The following CTNNA3 variants were observed in gnomAD, a reference collection of about 807,000 sequenced individuals.
The protein encoded by CTNNA3 is catenin alpha-3.
Under a neutral mutation model 95.7 loss-of-function variants are expected in CTNNA3, and 76 were observed. The observed-to-expected ratio is 0.79, with a 90% CI of 0.66 to 0.96. CTNNA3 has a LOEUF of 0.96. Among genes scored for constraint, CTNNA3 ranks in the 40% least tolerant of loss-of-function variants. The pLI is 0.00. For synonymous variants in CTNNA3, 431 were observed against 374.4 expected (o/e 1.15, Z -1.74); for missense variants, 1,191 against 1,089.8 (o/e 1.09, Z -1.31).
chr10:66,371,822 A>G (rs1338647013), intron 12 of CTNNA3, among the ~76,000 whole-genome samples: 1 of 152,130 alleles, frequency 6.6e-6, no homozygotes, highest in African/African-American at 2.4e-5. Flanking sequence ...CTGACAGCCA[A>G]GGTGTGGGCA....
At chr10:67,648,833 A>C (rs1839796502) in intron 1 of CTNNA3, 5 of 1,263,512 alleles carry the variant, frequency 4.0e-6, no homozygotes, top group Non-Finnish European at 4.1e-6. Context: ...TGTAAGAGAC[A>C]CGCTTCAAGA....
chr10:66,380,737 C>T (rs531479803), intron 11 of CTNNA3, among the ~76,000 whole-genome samples: 23 of 150,648 alleles, frequency 1.5e-4, no homozygotes, highest in African/African-American at 3.7e-4. Flanking sequence ...TGATATGTTC[C>T]GGAATTACTG....
intron 13 of CTNNA3, among the ~76,000 whole-genome samples, chr10:66,125,677 A>G (rs2082789946): frequency 6.6e-6 from 1 of 152,218 alleles, no homozygotes; most frequent in African/African-American, 2.4e-5. Context: ...ATATAAAGAA[A>G]TGAACTATCA....
intron 13 of CTNNA3, among the ~76,000 whole-genome samples, chr10:66,127,144 C>T (rs983706500): frequency 1.2e-4 from 18 of 151,786 alleles, no homozygotes; most frequent in Admixed American, 3.3e-4. Context: ...TGGTGGCGGG[C>T]GCCTGTAGTC....
chr10:67,747,320 C>G (rs1300361022), intron 1 of CTNNA3, among the ~76,000 whole-genome samples: 1 of 152,204 alleles, frequency 6.6e-6, no homozygotes, highest in African/African-American at 2.4e-5. Context: ...CCCATGCCCC[C>G]CAACAGGGGT....
chr10:66,260,307 A>C (rs2090951809), intron 13 of CTNNA3, among the ~76,000 whole-genome samples: 1 of 152,084 alleles, frequency 6.6e-6, no homozygotes, highest in African/African-American at 2.4e-5. Flanking sequence ...CTGCCCTCCA[A>C]TCCATTCATT....
At chr10:66,574,596 A>G (rs1361207345) in intron 10 of CTNNA3, among the ~76,000 whole-genome samples, 2 of 152,146 alleles carry the variant, frequency 1.3e-5, no homozygotes, top group Non-Finnish European at 2.9e-5. Context: ...AAGAAAACAT[A>G]TTGAAAAGGG....
At chr10:67,126,145 G>A (rs1387718313) in intron 7 of CTNNA3, among the ~76,000 whole-genome samples, 1 of 152,196 alleles carries the variant, frequency 6.6e-6, no homozygotes. Context: ...TATCTTTCAT[G>A]AGAGGTTTCA....
At chr10:66,838,801 G>A (rs1422018964) in intron 7 of CTNNA3, among the ~76,000 whole-genome samples, 1 of 152,150 alleles carries the variant, frequency 6.6e-6, no homozygotes, top group African/African-American at 2.4e-5. Context: ...AATAAACACT[G>A]AGCAAAATGC....
Position 66,616,640 on chromosome 10 carries a change from C to T in CTNNA3, c.1374+5052G>A, listed in dbSNP as rs182926535. On this transcript the variant is annotated intron_variant, in intron 10 of 17. Transcript: ENST00000433211. ...CTGGGCAAAGCTTTACAGTGTGGTC[C>T]TTTGTACACAGTAAGAACCAGAACA... Among the ~76,000 whole-genome samples, 276 of 152,128 alleles carry T rather than the reference C, an allele frequency of 1.8e-3. 2 individuals carry two copies. Among genetic ancestry groups the T allele is most frequent in the African/African-American group, 6.0e-3 (251 of 41,554 alleles).
chr10:67,416,345 C>T (rs746370494), intron 5 of CTNNA3, among the ~76,000 whole-genome samples: 3 of 62,680 alleles, frequency 4.8e-5, no homozygotes, highest in Admixed American at 2.1e-4. Flanking sequence ...TGGTGGCTCA[C>T]GCCTGTAATC....
chr10:66,573,811 A>AT (rs1265578862), intron 10 of CTNNA3, among the ~76,000 whole-genome samples: 14 of 152,234 alleles, frequency 9.2e-5, no homozygotes, highest in Non-Finnish European at 2.1e-4. Flanking sequence ...GGACAACACT[A>AT]TTATTTTCTA....
chr10:67,717,143 C>T (rs193273845), intron 1 of CTNNA3, among the ~76,000 whole-genome samples: 63 of 152,142 alleles, frequency 4.1e-4, no homozygotes, highest in Admixed American at 9.2e-4. Flanking sequence ...CTGTTCATAT[C>T]CTTTGCCCAC....
At chr10:67,030,059 C>A (rs1853624488) in intron 7 of CTNNA3, among the ~76,000 whole-genome samples, 1 of 152,170 alleles carries the variant, frequency 6.6e-6, no homozygotes, top group South Asian at 2.1e-4. Flanking sequence ...TTCTAAAAAA[C>A]AATCTTGTAA....
intron 13 of CTNNA3, among the ~76,000 whole-genome samples, chr10:66,116,359 T>A (rs1173473683): frequency 6.6e-6 from 1 of 152,148 alleles, no homozygotes; most frequent in South Asian, 2.1e-4. Flanking sequence ...CACCATAGAA[T>A]CTAGTCATTC....
intron 7 of CTNNA3, among the ~76,000 whole-genome samples, chr10:66,964,477 T>C (rs986195244): frequency 3.9e-5 from 6 of 152,176 alleles, no homozygotes; most frequent in Non-Finnish European, 7.3e-5. Context: ...ATGATAACAA[T>C]TGTAAATATT....
intron 7 of CTNNA3, among the ~76,000 whole-genome samples, chr10:66,981,374 A>T (rs1054349516): frequency 6.6e-6 from 1 of 152,230 alleles, no homozygotes; most frequent in African/African-American, 2.4e-5. Flanking sequence ...TCACTCAGGC[A>T]TAAGTCACCC....
chr10:66,745,321 C>T (rs768318720), intron 9 of CTNNA3, among the ~76,000 whole-genome samples: 2 of 152,058 alleles, frequency 1.3e-5, no homozygotes, highest in African/African-American at 2.4e-5. Flanking sequence ...TGTGATTGGC[C>T]AAGGTCAAAC....
At chr10:65,957,184 C>T (rs954283599) in intron 17 of CTNNA3, among the ~76,000 whole-genome samples, 2 of 152,132 alleles carry the variant, frequency 1.3e-5, no homozygotes, top group Admixed American at 1.3e-4. Flanking sequence ...GGTTTCAAGT[C>T]TGTTTTATCA....
Sources: allele counts gnomAD v4.1 joint callset (sites outside exome capture counted in the v4.1 genomes callset), GRCh38; gene constraint gnomAD v4.1.1; transcripts MANE v1.5; gene names NCBI Gene and HGNC (gene_info 2026-07-23, HGNC 2026-07-21).